PPIL3: variants seen among roughly 807,000 people sequenced by gnomAD.
The protein encoded by PPIL3 is peptidylprolyl isomerase like 3, also known as peptidyl-prolyl cis-trans isomerase-like 3.
In PPIL3, 13 loss-of-function variants were observed where a neutral mutation model predicts 20.9. That is an observed-to-expected ratio of 0.62 (90% confidence interval 0.40 to 0.99). The LOEUF is 0.99. PPIL3 is among the 50% of genes least tolerant of loss of function. PPIL3 has a pLI of 0.00. For synonymous variants in PPIL3, 71 were observed against 64.4 expected (o/e 1.10, Z -0.49); for missense variants, 170 against 195.2 (o/e 0.87, Z 0.77).
chr2:200,874,665 A>G lies in PPIL3; in HGVS notation c.359+2254T>C, dbSNP rs1384592516. Reference sequence around the variant, plus strand: ...TGAATGATGTTGGTTAAGGGAGAAAATAAGAGGGAAACTGGGTTATTTACA... The same window carrying G: ...TGAATGATGTTGGTTAAGGGAGAAAGTAAGAGGGAAACTGGGTTATTTACA... On this transcript the variant is annotated intron_variant, in intron 6 of 6. Transcript: ENST00000392283. Among the ~76,000 whole-genome samples, 3 of 152,216 alleles carry G rather than the reference A, an allele frequency of 2.0e-5. No individual in the cohort carries two copies. In the East Asian group the frequency reaches 5.8e-4, roughly 29 times the overall value.
At chr2:200,873,200 T>G (rs2039378425) in intron 6 of PPIL3, among the ~76,000 whole-genome samples, 1 of 151,516 alleles carries the variant, frequency 6.6e-6, no homozygotes, top group African/African-American at 2.4e-5. Flanking sequence ...TCTTTCTTTT[T>G]TTTTTTTTTT....
At chr2:200,880,673 C>G (rs1180593184) in intron 5 of PPIL3, among the ~76,000 whole-genome samples, 1 of 152,020 alleles carries the variant, frequency 6.6e-6, no homozygotes, top group African/African-American at 2.4e-5. Context: ...GTACCCGGCC[C>G]TGGTTGAGGA....
intron 1 of PPIL3, among the ~76,000 whole-genome samples, chr2:200,888,054 C>CAAAA (rs59288201): frequency 0.15 from 15,182 of 102,552 alleles, 1,099 homozygotes; most frequent in African/African-American, 0.19. Flanking sequence ...GAGACTCCGT[C>CAAAA]AAAAAAAAAA....
intron 6 of PPIL3, 61 bp downstream of exon 6, chr2:200,876,858 G>A: frequency 8.3e-7 from 1 of 1,204,264 alleles, no homozygotes; most frequent in Non-Finnish European, 1.2e-6. Flanking sequence ...TACTGTCACA[G>A]CTAAGCATAT....
chr2:200,887,548 C>G (rs1263000887), intron 2 of PPIL3, 65 bp downstream of exon 2: 16 of 1,309,750 alleles, frequency 1.2e-5, no homozygotes, highest in Non-Finnish European at 1.6e-5. Flanking sequence ...TTTTATTGCC[C>G]TTGACTGAAT....
chr2:200,884,201 G>C (rs531808390), intron 3 of PPIL3, among the ~76,000 whole-genome samples: 1 of 152,018 alleles, frequency 6.6e-6, no homozygotes, highest in South Asian at 2.1e-4. Flanking sequence ...TCAGGAGTTT[G>C]AGACCAGCCT....
In PPIL3 at chr2:200,876,968, T is replaced by C; in HGVS notation, c.310A>G (p.Thr104Ala). 1.9e-6 allele frequency: 3 copies of C among 1,613,856 alleles called. No individual in the cohort carries two copies. The highest frequency in any genetic ancestry group is 1.1e-5 in the South Asian group (1 of 91,074). The part of the protein sequence containing the change: ...PNTNGSQFFI[T>A]YGKQPHLDMK... Reference sequence around the variant, plus strand: ...TCCAAATGTGGCTGTTTGCCATAGGTGATGAAGAACTGAGATCCATTGGTG... The same window carrying C: ...TCCAAATGTGGCTGTTTGCCATAGGCGATGAAGAACTGAGATCCATTGGTG... The change falls in exon 6 of 7, where the codon ACC becomes GCC. Residue 104 changes from threonine to alanine, a missense_variant. Transcript: ENST00000392283.
intron 5 of PPIL3, among the ~76,000 whole-genome samples, chr2:200,879,712 T>C (rs2039652002): frequency 6.6e-6 from 1 of 152,086 alleles, no homozygotes; most frequent in South Asian, 2.1e-4. Flanking sequence ...TGCACTCCTG[T>C]GGTCCAGCCA....
At chr2:200,876,824 C>T in intron 6 of PPIL3, 95 bp downstream of exon 6, 1 of 993,242 alleles carries the variant, frequency 1.0e-6, no homozygotes, top group Non-Finnish European at 1.6e-6. Context: ...CGCTCGGCCT[C>T]ACTCTTTTCA....
At chr2:200,881,540 A>G in intron 4 of PPIL3, 52 bp from the exon 5 acceptor site, 1 of 1,499,016 alleles carries the variant, frequency 6.7e-7, no homozygotes. Flanking sequence ...AATTGAAAAC[A>G]AGTTCATTTC....
intron 6 of PPIL3, among the ~76,000 whole-genome samples, chr2:200,872,595 G>A (rs115571569): frequency 1.6e-3 from 241 of 152,154 alleles, no homozygotes; most frequent in African/African-American, 5.5e-3. Flanking sequence ...CCCACCAAGA[G>A]TCACCTCATT....
chr2:200,877,264 C>T (rs1205463757), intron 5 of PPIL3, among the ~76,000 whole-genome samples: 3 of 152,204 alleles, frequency 2.0e-5, no homozygotes, highest in Non-Finnish European at 4.4e-5. Flanking sequence ...CCAGCCAAGA[C>T]ATTCAATCTT....
chr2:200,877,808 T>C (rs994890916), intron 5 of PPIL3, among the ~76,000 whole-genome samples: 2 of 152,230 alleles, frequency 1.3e-5, no homozygotes, highest in Non-Finnish European at 2.9e-5. Flanking sequence ...CATCTGTGGG[T>C]GTTCCACTCA....
chr2:200,885,830 T>G, intron 2 of PPIL3, 58 bp from the exon 3 acceptor site: 1 of 1,044,610 alleles, frequency 9.6e-7, no homozygotes, highest in Non-Finnish European at 1.5e-6. Context: ...CTTTATGCAT[T>G]GTTTATTTCC....
chr2:200,874,077 C>T (rs184272351), intron 6 of PPIL3, among the ~76,000 whole-genome samples: 12 of 151,564 alleles, frequency 7.9e-5, no homozygotes, highest in African/African-American at 7.2e-5. Flanking sequence ...CGGTGGCGGG[C>T]GCCTGTAGTC....
At chr2:200,876,134 G>GTTT (rs886677890) in intron 6 of PPIL3, among the ~76,000 whole-genome samples, 8 of 144,762 alleles carry the variant, frequency 5.5e-5, no homozygotes, top group African/African-American at 1.9e-4. Flanking sequence ...AAAAAAAAGT[G>GTTT]TTTTTTTTGT....
intron 2 of PPIL3, among the ~76,000 whole-genome samples, chr2:200,886,046 A>G (rs932351898): frequency 1.3e-5 from 2 of 152,212 alleles, no homozygotes; most frequent in African/African-American, 2.4e-5. Flanking sequence ...ATTTTGATGG[A>G]AAGAATTATT....
intron 3 of PPIL3, 143 bp from the exon 4 acceptor site, chr2:200,882,578 CA>C: frequency 1.5e-6 from 1 of 659,882 alleles, no homozygotes; most frequent in South Asian, 1.6e-5. Flanking sequence ...TCCCTGCCTA[CA>C]ACACTTCAAT....
Position 200,876,942 on chromosome 2 carries a change from G to A in PPIL3, c.336C>T (p.Asp112=). 2 of 1,611,134 alleles carry A rather than the reference G, an allele frequency of 1.2e-6. No homozygotes were observed. Among genetic ancestry groups the A allele is most frequent in the Non-Finnish European group, 1.7e-6 (2 of 1,177,334 alleles). The change falls in exon 6 of 7, where the codon GAC becomes GAT. Residue 112 remains aspartate (D), a synonymous_variant. Transcript: ENST00000392283. ...FITYGKQPHL[D]MKYTVFGKVI... Reference sequence around the variant, plus strand: ...ACTTTCCAAATACGGTGTATTTCATGTCCAAATGTGGCTGTTTGCCATAGG... The same window carrying A: ...ACTTTCCAAATACGGTGTATTTCATATCCAAATGTGGCTGTTTGCCATAGG...
Sources: allele counts gnomAD v4.1 joint callset (sites outside exome capture counted in the v4.1 genomes callset), GRCh38; gene constraint gnomAD v4.1.1; transcripts MANE v1.5; gene names NCBI Gene and HGNC (gene_info 2026-07-23, HGNC 2026-07-21).